RGS7: variants seen among roughly 807,000 people sequenced by gnomAD.
RGS7 encodes the protein regulator of G protein signaling 7, also known as regulator of G-protein signaling 7.
Under a neutral mutation model 81.1 loss-of-function variants are expected in RGS7, and 27 were observed. The observed-to-expected ratio is 0.33, with a 90% CI of 0.25 to 0.46. RGS7 has a LOEUF of 0.46. RGS7 is among the 20% of genes least tolerant of loss of function. The probability of loss-of-function intolerance (pLI) is 1.00; values close to 1 mark genes in which losing one functional copy is unlikely to be tolerated. For synonymous variants in RGS7, 208 were observed against 207.7 expected (o/e 1.00, Z -0.01); for missense variants, 396 against 607.4 (o/e 0.65, Z 3.66).
At chr1:241,350,291 T>C (rs2083155738) in intron 2 of RGS7, among the ~76,000 whole-genome samples, 2 of 152,214 alleles carry the variant, frequency 1.3e-5, no homozygotes, top group African/African-American at 4.8e-5. Context: ...TTAGTATCAC[T>C]GAGATAAAAA....
chr1:240,831,507 T>C (rs2147822794), intron 9 of RGS7, among the ~76,000 whole-genome samples: 1 of 152,306 alleles, frequency 6.6e-6, no homozygotes, highest in South Asian at 2.1e-4. Flanking sequence ...GCACGAGCCC[T>C]ATCCCAGTAA....
intron 4 of RGS7, among the ~76,000 whole-genome samples, chr1:240,954,833 G>A (rs1315053560): frequency 6.6e-6 from 1 of 152,104 alleles, no homozygotes; most frequent in African/African-American, 2.4e-5. Flanking sequence ...GATTATAATT[G>A]TCTACGTAGA....
chr1:241,191,784 G>C (rs912598418), intron 2 of RGS7, among the ~76,000 whole-genome samples: 8 of 152,178 alleles, frequency 5.3e-5, no homozygotes, highest in African/African-American at 1.9e-4. Context: ...AATAGTCATA[G>C]GGCCATTCAA....
At chr1:240,888,241 G>C (rs376749734) in intron 6 of RGS7, among the ~76,000 whole-genome samples, 1 of 152,270 alleles carries the variant, frequency 6.6e-6, no homozygotes, top group East Asian at 1.9e-4. Flanking sequence ...ATTGCACCAG[G>C]TACGCTTTCA....
intron 1 of RGS7, among the ~76,000 whole-genome samples, chr1:241,356,482 A>C (rs1014168756): frequency 1.2e-4 from 18 of 152,074 alleles, no homozygotes; most frequent in African/African-American, 3.6e-4. Flanking sequence ...TAATTTTTGC[A>C]AGAAGACACC....
At chr1:240,801,853 C>T (rs1688077721) in intron 16 of RGS7, among the ~76,000 whole-genome samples, 1 of 152,122 alleles carries the variant, frequency 6.6e-6, no homozygotes, top group African/African-American at 2.4e-5. Flanking sequence ...TCAGAATTTC[C>T]TCAAAACTTT....
At chr1:241,156,732 G>A (rs760392105) in intron 2 of RGS7, among the ~76,000 whole-genome samples, 19 of 152,102 alleles carry the variant, frequency 1.2e-4, no homozygotes, top group Non-Finnish European at 2.6e-4. Context: ...CTCACACAAG[G>A]TCACACCCCT....
chr1:240,856,182 G>A (rs1196051351), intron 9 of RGS7, among the ~76,000 whole-genome samples: 2 of 151,842 alleles, frequency 1.3e-5, no homozygotes, highest in Non-Finnish European at 2.9e-5. Flanking sequence ...GTATTAGCCC[G>A]CTTATTTTGT....
chr1:240,858,044 T>C (rs1353694168), intron 9 of RGS7, among the ~76,000 whole-genome samples: 2 of 152,232 alleles, frequency 1.3e-5, no homozygotes, highest in Admixed American at 1.3e-4. Context: ...CAATTAAACC[T>C]GTTTCTTTTA....
chr1:241,170,522 C>T (rs562204967), intron 2 of RGS7, among the ~76,000 whole-genome samples: 3 of 152,146 alleles, frequency 2.0e-5, no homozygotes, highest in Non-Finnish European at 4.4e-5. Context: ...ATCTCTTACG[C>T]ATTTATTTTT....
At chr1:241,027,457 T>C (rs1409850465) in intron 3 of RGS7, among the ~76,000 whole-genome samples, 1 of 152,180 alleles carries the variant, frequency 6.6e-6, no homozygotes, top group Non-Finnish European at 1.5e-5. Flanking sequence ...AAAAGATGAC[T>C]TTGGCTGCTG....
At chr1:241,124,085 A>G (rs2066479044) in intron 2 of RGS7, among the ~76,000 whole-genome samples, 1 of 152,188 alleles carries the variant, frequency 6.6e-6, no homozygotes, top group Non-Finnish European at 1.5e-5. Flanking sequence ...GGATGTGCTT[A>G]GAGAGTATCC....
intron 3 of RGS7, among the ~76,000 whole-genome samples, chr1:241,033,386 TC>T (rs1335756598): frequency 2.0e-5 from 3 of 151,910 alleles, no homozygotes; most frequent in Non-Finnish European, 4.4e-5. Flanking sequence ...GGAGGAAAGT[TC>T]CATAGGCAAA....
At chr1:240,973,458 CG>C (rs1683566486) in intron 4 of RGS7, among the ~76,000 whole-genome samples, 3 of 151,496 alleles carry the variant, frequency 2.0e-5, no homozygotes, top group Admixed American at 2.0e-4. Context: ...TACAGTGAGC[CG>C]AGATCACGCC....
intron 2 of RGS7, among the ~76,000 whole-genome samples, chr1:241,268,238 T>G (rs184066564): frequency 6.8e-4 from 104 of 152,294 alleles, no homozygotes; most frequent in African/African-American, 2.4e-3. Flanking sequence ...GAGCTGAGGC[T>G]TCCATAATTC....
rs535424507 is a variant in RGS7, at chr1:241,081,996, T to C, written c.175+16670A>G. On this transcript the variant is annotated intron_variant, in intron 3 of 18. Transcript: ENST00000440928. ...GAACCATTTCAGTCAATCAACACAG[T>C]TGGTAGTCAGAGAGAAGGCTTCTTT... is the stretch of plus-strand genomic sequence containing the variant. 7.2e-5 allele frequency among the ~76,000 whole-genome samples: 11 copies of C among 152,270 alleles called. No individual in the cohort carries two copies. The South Asian group carries it at 2.3e-3, about 32-fold the overall frequency.
At chr1:240,966,733 T>G (rs1682366159) in intron 4 of RGS7, among the ~76,000 whole-genome samples, 1 of 152,204 alleles carries the variant, frequency 6.6e-6, no homozygotes, top group African/African-American at 2.4e-5. Context: ...AGTTTCATTT[T>G]CTATTTGTAA....
rs1043466716 is a variant in RGS7 at position 240,834,774 on chromosome 1, A to G, written c.610-7602T>C. On this transcript the variant is annotated intron_variant, in intron 9 of 18. Transcript: ENST00000440928. ...GATCCGCCCGCCTCGGCCTCCCAAAATGCTGAGATTACAGGCTTGAGCCAC... is the reference window on the plus strand; with the variant it reads ...GATCCGCCCGCCTCGGCCTCCCAAAGTGCTGAGATTACAGGCTTGAGCCAC... Among the ~76,000 whole-genome samples, 7 of 152,030 alleles carry G rather than the reference A, an allele frequency of 4.6e-5. No individual in the cohort carries two copies. In the South Asian group the frequency reaches 6.2e-4, roughly 14 times the overall value.
chr1:241,356,608 G>A (rs2083588737), intron 1 of RGS7, among the ~76,000 whole-genome samples: 1 of 152,160 alleles, frequency 6.6e-6, no homozygotes, highest in South Asian at 2.1e-4. Context: ...AGCCAAAGAG[G>A]AGAAAACAGG....
Sources: gnomAD v4.1 joint callset for allele counts (sites outside exome capture counted in the v4.1 genomes callset) on GRCh38, gnomAD v4.1.1 for gene constraint, MANE v1.5 for transcripts, NCBI Gene and HGNC (gene_info 2026-07-23, HGNC 2026-07-21) for gene names.